Variants in SEC63 observed in about 807,000 individuals in gnomAD.
SEC63 encodes the protein translocation protein SEC63 homolog.
Under a neutral mutation model 116.2 loss-of-function variants are expected in SEC63, and 56 were observed. The observed-to-expected ratio is 0.48, with a 90% CI of 0.39 to 0.60. The LOEUF (loss-of-function observed/expected upper bound fraction) is 0.60. Ranked by LOEUF, SEC63 falls within the 20% of genes least tolerant of loss-of-function variation. The pLI, the probability that SEC63 is intolerant of heterozygous loss-of-function variation, is 0.00. For missense variants in SEC63, 668 were observed against 900.0 expected (o/e 0.74, Z 3.30); for synonymous variants, 273 against 294.6 (o/e 0.93, Z 0.75).
At chr6:107,878,792 T>C (rs1003041026) in intron 18 of SEC63, among the ~76,000 whole-genome samples, 4 of 151,786 alleles carry the variant, frequency 2.6e-5, no homozygotes, top group African/African-American at 9.7e-5. Flanking sequence ...GAGGTGGAGG[T>C]TGCAGTGAGC....
chr6:107,921,953 A>C (rs1193569866), intron 3 of SEC63, 44 bp from the exon 4 acceptor site: 2 of 1,089,494 alleles, frequency 1.8e-6, no homozygotes, highest in Non-Finnish European at 2.8e-6. Context: ...TGTTAGCAAA[A>C]ATAAGCACAA....
In SEC63 at chr6:107,906,684, T is replaced by C. The variant is rs1308839436; in HGVS notation, c.827A>G (p.Gln276Arg). 4.3e-6 allele frequency: 7 copies of C among 1,612,706 alleles called. No individual in the cohort carries two copies. The highest frequency in any genetic ancestry group is 5.9e-6 in the Non-Finnish European group (7 of 1,178,838). ...GGGGATTTGGGAAATTAGCCTAACC[T>C]GTGGTATTAGAATATTATCCGTTGG... Reference protein sequence around the residue: ...SRPTDNILIPQLIREIGSINL... With the variant: ...SRPTDNILIPRLIREIGSINL... The change falls in exon 9 of 21, where the codon CAG (glutamine) becomes CGG (arginine). Residue 276 changes from glutamine (Q) to arginine (R), a missense_variant and splice_region_variant. Around this residue, in one of 5 missense-constraint regions of SEC63, gnomAD observed 430 missense variants for 557.5 expected, o/e 0.77. Transcript: ENST00000369002.
chr6:107,893,676 C>T, intron 15 of SEC63, 21 bp from the exon 16 acceptor site: 1 of 1,613,652 alleles, frequency 6.2e-7, no homozygotes, highest in African/African-American at 1.3e-5. Context: ...TAACACGTCA[C>T]ACTCTTAAGT....
chr6:107,907,780 CA>C (rs1288114719), intron 8 of SEC63, among the ~76,000 whole-genome samples: 2 of 152,152 alleles, frequency 1.3e-5, no homozygotes, highest in Non-Finnish European at 2.9e-5. Flanking sequence ...TTACTACCCT[CA>C]AATGTTTACT....
intron 12 of SEC63, among the ~76,000 whole-genome samples, chr6:107,902,600 T>C (rs906719339): frequency 6.6e-6 from 1 of 152,126 alleles, no homozygotes; most frequent in Non-Finnish European, 1.5e-5. Flanking sequence ...GAACTAACTG[T>C]TGACTTTTTA....
At chr6:107,887,699 G>A (rs1017879348) in intron 16 of SEC63, among the ~76,000 whole-genome samples, 2 of 152,086 alleles carry the variant, frequency 1.3e-5, no homozygotes, top group African/African-American at 4.8e-5. Context: ...GTATACATAT[G>A]TAACTAACCC....
chr6:107,949,453 C>T (rs975374986), intron 1 of SEC63, among the ~76,000 whole-genome samples: 3 of 151,804 alleles, frequency 2.0e-5, no homozygotes, highest in Admixed American at 6.6e-5. Context: ...GCTTGAGCAA[C>T]ATGGCAAAAC....
chr6:107,913,524 T>C, intron 4 of SEC63, 97 bp from the exon 5 acceptor site: 1 of 843,448 alleles, frequency 1.2e-6, no homozygotes, highest in Non-Finnish European at 2.1e-6. Context: ...ACTCATTTCT[T>C]AGAAGATACT....
chr6:107,874,737 A>G (rs745437929), intron 19 of SEC63, among the ~76,000 whole-genome samples: 2 of 152,042 alleles, frequency 1.3e-5, no homozygotes, highest in Non-Finnish European at 2.9e-5. Context: ...GTACAGGGGC[A>G]TGATCATGGC....
At position 107,881,230 on chromosome 6, in the gene SEC63, T is replaced by C. The variant is rs754326276; in HGVS notation, c.1854A>G (p.Gln618=). 87 of 1,612,568 alleles carry C rather than the reference T, an allele frequency of 5.4e-5. No individual in the cohort carries two copies. Among genetic ancestry groups the C allele is most frequent in the Non-Finnish European group, 6.9e-5 (81 of 1,179,196 alleles). ...DDEAEWQELQ[Q]SIQRKERALL... is the part of the protein sequence containing the mutation. Reference sequence around the variant, plus strand: ...GAGCTCTCTCTTTTCGCTGTATGCTTTGTTGTAATTCTTGCCACTCCTAGT... The same window carrying C: ...GAGCTCTCTCTTTTCGCTGTATGCTCTGTTGTAATTCTTGCCACTCCTAGT... Residue 618 remains glutamine (Q), a synonymous_variant, in exon 18 of 21, where the codon CAA becomes CAG. Transcript: ENST00000369002.
rs554398947 is a variant in SEC63, at chr6:107,887,585, C to G, written c.1675-4439G>C. 1.1e-3 allele frequency among the ~76,000 whole-genome samples: 166 copies of G among 145,880 alleles called. 2 individuals carry two copies. Among genetic ancestry groups the G allele is most frequent in the African/African-American group, 4.1e-3 (160 of 38,948 alleles). On this transcript the variant is annotated intron_variant, in intron 16 of 20. Coordinates refer to ENST00000369002, the MANE Select transcript of SEC63 (RefSeq NM_007214.5). ...GACACAGGAAGGGGAATATCACACT[C>G]TGGGGACTGTTGTGGGGTGGGGGAA... is the stretch of plus-strand genomic sequence containing the variant.
At chr6:107,934,137 C>G (rs575139630) in intron 1 of SEC63, among the ~76,000 whole-genome samples, 1 of 152,140 alleles carries the variant, frequency 6.6e-6, no homozygotes, top group Non-Finnish European at 1.5e-5. Flanking sequence ...TCTGCCCCGC[C>G]GCCACCCCGT....
chr6:107,923,030 CAT>C (rs1787594115), intron 3 of SEC63, among the ~76,000 whole-genome samples: 1 of 151,936 alleles, frequency 6.6e-6, no homozygotes, highest in Non-Finnish European at 1.5e-5. Context: ...GGAATACATA[CAT>C]ATATATTCAG....
intron 18 of SEC63, chr6:107,877,067 GTGTGTA>G (rs921449825): frequency 7.6e-5 from 4 of 52,400 alleles, no homozygotes; most frequent in East Asian, 5.6e-4. Flanking sequence ...ATATATATGT[GTGTGTA>G]TATATATATA....
intron 19 of SEC63, among the ~76,000 whole-genome samples, chr6:107,875,487 A>G (rs1786241070): frequency 6.6e-6 from 1 of 152,204 alleles, no homozygotes; most frequent in Non-Finnish European, 1.5e-5. Flanking sequence ...TCTTGAGCTC[A>G]GGAGTTTGAG....
intron 16 of SEC63, among the ~76,000 whole-genome samples, chr6:107,887,612 G>A (rs545750794): frequency 6.6e-6 from 1 of 151,792 alleles, no homozygotes; most frequent in Non-Finnish European, 1.5e-5. Flanking sequence ...GTGGGGGAAG[G>A]GGGGAGGGAT....
intron 4 of SEC63, among the ~76,000 whole-genome samples, chr6:107,914,269 A>G (rs566965862): frequency 1.8e-3 from 268 of 152,278 alleles, no homozygotes; most frequent in African/African-American, 6.1e-3. Flanking sequence ...ACACGCTCAA[A>G]AATGACCAAT....
At chr6:107,876,529 T>C (rs1346469870) in intron 19 of SEC63, 35 bp downstream of exon 19, 17 of 1,252,888 alleles carry the variant, frequency 1.4e-5, no homozygotes, top group Non-Finnish European at 1.9e-5. Flanking sequence ...AGCTGTGCCT[T>C]GTTAAACACT....
At chr6:107,945,366 G>A (rs1254153555) in intron 1 of SEC63, among the ~76,000 whole-genome samples, 1 of 150,302 alleles carries the variant, frequency 6.7e-6, no homozygotes, top group Non-Finnish European at 1.5e-5. Context: ...GAGTGCAATG[G>A]TGCGATCTTG....
Sources: allele counts gnomAD v4.1 joint callset (sites outside exome capture counted in the v4.1 genomes callset), GRCh38; gene constraint gnomAD v4.1.1; regional missense constraint gnomAD v4.1.1; transcripts MANE v1.5; gene names NCBI Gene and HGNC (gene_info 2026-07-23, HGNC 2026-07-21).